The following PLAAT5 variants were observed in gnomAD, a reference collection of about 807,000 sequenced individuals.
PLAAT5 encodes the protein Ca(2+)-independent N-acyltransferase.
PLAAT5 carries 27 observed loss-of-function variants against 27.8 expected under a neutral mutation model. That is an observed-to-expected ratio of 0.97 (90% confidence interval 0.72 to 1.34). PLAAT5 has a LOEUF of 1.34. Among genes scored for constraint, PLAAT5 ranks in the 40% most tolerant of loss-of-function variants. The pLI is 0.00. For missense variants in PLAAT5, 368 were observed against 343.8 expected (o/e 1.07, Z -0.56); for synonymous variants, 125 against 136.1 (o/e 0.92, Z 0.57).
intron 3 of PLAAT5, among the ~76,000 whole-genome samples, chr11:63,476,007 G>A (rs950984850): frequency 1.3e-5 from 2 of 151,734 alleles, no homozygotes; most frequent in Non-Finnish European, 2.9e-5. Flanking sequence ...TTTTAAATTA[G>A]TTAAGAGAAA....
chr11:63,466,473 G>A, intron 4 of PLAAT5, 101 bp from the exon 5 acceptor site: 1 of 1,182,514 alleles, frequency 8.5e-7, no homozygotes, highest in Non-Finnish European at 1.2e-6. Context: ...AGTCTCATTG[G>A]CACCATCAGT....
intron 5 of PLAAT5, among the ~76,000 whole-genome samples, chr11:63,464,655 CA>C (rs5792290): frequency 1.3e-5 from 2 of 149,458 alleles, no homozygotes; most frequent in Non-Finnish European, 3.0e-5. Context: ...GACTCTGTCT[CA>C]AAAAAAAAGG....
chr11:63,482,280 CA>C (rs2016305834), intron 3 of PLAAT5, among the ~76,000 whole-genome samples: 1 of 152,138 alleles, frequency 6.6e-6, no homozygotes, highest in South Asian at 2.1e-4. Flanking sequence ...GGAAATTCAT[CA>C]CAAAAAGATC....
chr11:63,479,745 G>A (rs1211439224), intron 3 of PLAAT5, among the ~76,000 whole-genome samples: 1 of 152,108 alleles, frequency 6.6e-6, no homozygotes, highest in African/African-American at 2.4e-5. Flanking sequence ...TCCTGACACT[G>A]GTCAGGAAGA....
chr11:63,490,419 G>A (rs2016535861), intron 1 of PLAAT5, 86 bp from the exon 2 acceptor site: 1 of 1,607,332 alleles, frequency 6.2e-7, no homozygotes, highest in Non-Finnish European at 8.5e-7. Flanking sequence ...TGGGCTCAGA[G>A]CTCTAGTCTA....
intron 3 of PLAAT5, 101 bp from the exon 4 acceptor site, chr11:63,468,566 G>T: frequency 1.2e-6 from 1 of 801,960 alleles, no homozygotes; most frequent in Non-Finnish European, 2.0e-6. Context: ...CCCTCAGTGT[G>T]GTTCATCACT....
rs1240631493 is a variant in PLAAT5, at chr11:63,463,099, G to C, written c.*404C>G. ...TAGAGACATTTTAGTTAAATAAAAA[G>C]AACATCTGGAAAAAGACATCTTCGT... On this transcript the variant is annotated 3_prime_UTR_variant, in exon 6 of 6. Coordinates refer to ENST00000540857, the MANE Select transcript of PLAAT5 (RefSeq NM_001146729.2). 1 of 169,346 alleles carries C rather than the reference G, an allele frequency of 5.9e-6. No individual in the cohort carries two copies. The highest frequency in any genetic ancestry group is 1.3e-5 in the Non-Finnish European group (1 of 78,506). 10.5% of individuals were successfully genotyped at this position (169,346 alleles called of 1,614,324 possible).
At chr11:63,484,809 G>T (rs934810797) in intron 3 of PLAAT5, among the ~76,000 whole-genome samples, 8 of 152,248 alleles carry the variant, frequency 5.3e-5, no homozygotes, top group Non-Finnish European at 5.9e-5. Context: ...TCAGACAAGA[G>T]AAAGAAATAA....
chr11:63,464,528 C>A (rs2015803589), intron 5 of PLAAT5, among the ~76,000 whole-genome samples: 2 of 151,930 alleles, frequency 1.3e-5, no homozygotes, highest in Admixed American at 1.3e-4. Flanking sequence ...TGGTGGCGTG[C>A]ACCTGGAGTC....
intron 3 of PLAAT5, among the ~76,000 whole-genome samples, chr11:63,472,916 C>A (rs1414638199): frequency 6.6e-6 from 1 of 150,936 alleles, no homozygotes; most frequent in Non-Finnish European, 1.5e-5. Context: ...CCAGCCTGGG[C>A]AACATGGTGA....
At chr11:63,473,461 G>A (rs1291339868) in intron 3 of PLAAT5, among the ~76,000 whole-genome samples, 1 of 152,004 alleles carries the variant, frequency 6.6e-6, no homozygotes, top group Non-Finnish European at 1.5e-5. Flanking sequence ...TTATTCTGAC[G>A]GTCTAGAACC....
intron 3 of PLAAT5, among the ~76,000 whole-genome samples, chr11:63,473,703 G>T (rs59294369): frequency 0.05 from 6,876 of 136,906 alleles, 560 homozygotes; most frequent in African/African-American, 0.18. Flanking sequence ...ATATTTTTTT[G>T]TTGTTTTTTT....
chr11:63,485,742 A>C lies in PLAAT5; in HGVS notation c.345+3129T>G, dbSNP rs2016418246. Among the ~76,000 whole-genome samples, 12 of 152,204 alleles carry C rather than the reference A, an allele frequency of 7.9e-5. No individual in the cohort carries two copies. The South Asian group carries it at 2.5e-3, about 32-fold the overall frequency. On this transcript the variant is annotated intron_variant, in intron 3 of 5. Coordinates refer to ENST00000540857, the MANE Select transcript of PLAAT5 (RefSeq NM_001146729.2). ...AAAGAGTTCATGATCAAGAACCCAA[A>C]AGCAAATGCAACATAAACAAAGATA...
chr11:63,483,835 A>ATATG (rs1321457141), intron 3 of PLAAT5, among the ~76,000 whole-genome samples: 1 of 120,778 alleles, frequency 8.3e-6, no homozygotes, highest in South Asian at 2.6e-4. Context: ...ATATATATAT[A>ATATG]TATATATACA....
intron 5 of PLAAT5, among the ~76,000 whole-genome samples, chr11:63,464,517 A>T (rs191408779): frequency 6.6e-6 from 1 of 152,020 alleles, no homozygotes; most frequent in African/African-American, 2.4e-5. Flanking sequence ...TTAGCTGGGC[A>T]TGGTGGCGTG....
chr11:63,485,994 G>C (rs1013104051), intron 3 of PLAAT5, among the ~76,000 whole-genome samples: 1 of 152,064 alleles, frequency 6.6e-6, no homozygotes, highest in Non-Finnish European at 1.5e-5. Context: ...CTCAAAAGAA[G>C]ATATACAAAT....
rs1590633255 is a variant in PLAAT5, at chr11:63,491,122, G to A, written c.-88C>T. The A allele has an allele frequency of 8.3e-7, 1 of 1,208,174 alleles. No individual in the cohort carries two copies. Among genetic ancestry groups the A allele is most frequent in the African/African-American group, 1.6e-5 (1 of 62,580 alleles). 74.8% of individuals were successfully genotyped at this position (1,208,174 alleles called of 1,614,324 possible). A position where few individuals can be genotyped will look rare whatever the true frequency, so the allele number is the denominator to read the frequency against. ...CAGTCGGCGCGGCCCCTGGTCGGCGGAGCCGCGGAAGCTTGGGCACTGGGG... is the reference window on the plus strand; with the variant it reads ...CAGTCGGCGCGGCCCCTGGTCGGCGAAGCCGCGGAAGCTTGGGCACTGGGG... On this transcript the variant is annotated 5_prime_UTR_variant, in exon 1 of 6. Transcript: ENST00000540857.
chr11:63,484,572 A>G (rs1309165945), intron 3 of PLAAT5, among the ~76,000 whole-genome samples: 1 of 152,188 alleles, frequency 6.6e-6, no homozygotes, highest in Non-Finnish European at 1.5e-5. Flanking sequence ...ACACAGAAAT[A>G]GCATTTGACA....
chr11:63,473,481 A>G (rs886805498), intron 3 of PLAAT5, among the ~76,000 whole-genome samples: 3 of 152,120 alleles, frequency 2.0e-5, no homozygotes, highest in African/African-American at 7.2e-5. Flanking sequence ...CAAACCCACA[A>G]TATGTCTGAA....
Sources: gnomAD v4.1 joint callset for allele counts (sites outside exome capture counted in the v4.1 genomes callset) on GRCh38, gnomAD v4.1.1 for gene constraint, MANE v1.5 for transcripts, NCBI Gene and HGNC (gene_info 2026-07-23, HGNC 2026-07-21) for gene names.